HMGA2: variants seen among roughly 807,000 people sequenced by gnomAD.
HMGA2 encodes high mobility group protein HMGI-C.
A neutral mutation model predicts 19.1 loss-of-function variants in HMGA2; 8 were observed. The ratio of observed to expected loss-of-function variants is 0.42; its 90% confidence interval spans 0.25 to 0.76. The LOEUF (loss-of-function observed/expected upper bound fraction) is 0.76. HMGA2 is among the 30% of genes least tolerant of loss of function. The pLI is 0.28. For synonymous variants in HMGA2, 60 were observed against 48.8 expected, an observed-to-expected ratio of 1.23 and a Z score of -0.96; for missense variants, 109 against 136.3, an observed-to-expected ratio of 0.80 and a Z score of 1.00.
intron 1 of HMGA2, among the ~76,000 whole-genome samples, 155 bp from the exon 2 acceptor site, chr12:65,827,846 T>C (rs1006592911): frequency 1.3e-5 from 2 of 152,226 alleles, no homozygotes; most frequent in African/African-American, 4.8e-5. Flanking sequence ...CCCCTTTCTG[T>C]AAACTCTGTA....
intron 3 of HMGA2, among the ~76,000 whole-genome samples, chr12:65,902,169 T>A (rs1366153240): frequency 6.6e-6 from 1 of 152,146 alleles, no homozygotes; most frequent in African/African-American, 2.4e-5. Context: ...TTTAAGAGTT[T>A]TTTTTTTCTT....
intron 1 of HMGA2, chr12:65,826,922 G>C (rs1021078312): frequency 6.6e-6 from 1 of 152,214 alleles, no homozygotes; most frequent in African/African-American, 2.4e-5. Context: ...ACTGGTGCTA[G>C]TGGTCCCACA....
chr12:65,845,209 A>C (rs1345075120), intron 3 of HMGA2, among the ~76,000 whole-genome samples: 1 of 151,984 alleles, frequency 6.6e-6, no homozygotes, highest in African/African-American at 2.4e-5. Flanking sequence ...CCAGGAGAAC[A>C]TTTTTGTTGT....
chr12:65,946,964 A>G (rs574261604), intron 3 of HMGA2, among the ~76,000 whole-genome samples: 2 of 152,260 alleles, frequency 1.3e-5, no homozygotes, highest in East Asian at 3.9e-4. Context: ...TAACAATGAT[A>G]TTTATTTGCT....
rs1182196238 is a variant in HMGA2 at position 65,965,812 on chromosome 12, A to G, written c.*2520A>G. On this transcript the variant is annotated 3_prime_UTR_variant, in exon 5 of 5. Transcript: ENST00000403681. ...GTATGTTGTACAATCAAAACACACT[A>G]CTACCTCTTAAGTCCCAGTATACCT... 4.6e-6 allele frequency: 1 copy of G among 216,426 alleles called. No individual in the cohort carries two copies. Among genetic ancestry groups the G allele is most frequent in the Non-Finnish European group, 9.3e-6 (1 of 107,290 alleles). 13.4% of individuals were successfully genotyped at this position (216,426 alleles called of 1,614,324 possible).
intron 3 of HMGA2, among the ~76,000 whole-genome samples, chr12:65,862,085 T>C (rs1036313158): frequency 1.3e-5 from 2 of 152,106 alleles, no homozygotes; most frequent in African/African-American, 2.4e-5. Flanking sequence ...CCTCAGGTGA[T>C]CCACCCGCCT....
chr12:65,950,896 T>C (rs544012073), intron 3 of HMGA2, among the ~76,000 whole-genome samples: 1 of 152,318 alleles, frequency 6.6e-6, no homozygotes, highest in Non-Finnish European at 1.5e-5. Context: ...ATAACCTATG[T>C]TGTATTTCCT....
intron 3 of HMGA2, among the ~76,000 whole-genome samples, chr12:65,884,974 CTATTT>C (rs1399137097): frequency 6.6e-6 from 1 of 152,114 alleles, no homozygotes; most frequent in Non-Finnish European, 1.5e-5. Flanking sequence ...CCAATTGATT[CTATTT>C]TAATTGATAT....
At chr12:65,861,281 G>A (rs530892697) in intron 3 of HMGA2, among the ~76,000 whole-genome samples, 12 of 152,190 alleles carry the variant, frequency 7.9e-5, no homozygotes, top group South Asian at 6.2e-4. Flanking sequence ...CAGGAGAATC[G>A]CTTGAACCTG....
chr12:65,849,752 T>TTTTTTTTTG lies in HMGA2; in HGVS notation c.249+11184_249+11192dup, dbSNP rs1871379742. ...AGGCTCTGTATTTTTTTTTTTTTTT[T>TTTTTTTTTG]TTTTTTTTGAGGCTGGAGTGCAATG... On this transcript the variant is annotated intron_variant, in intron 3 of 4. Coordinates refer to ENST00000403681, the MANE Select transcript of HMGA2 (RefSeq NM_003483.6). Among the ~76,000 whole-genome samples the TTTTTTTTTG allele has an allele frequency of 1.4e-5, 2 of 146,476 alleles. 1 individual carries two copies. The highest frequency in any genetic ancestry group is 3.9e-4 in the East Asian group (2 of 5,102).
In HMGA2 at chr12:65,838,998, C is replaced by CTTTTTTTTTTTTTTTTTTTTTTTTTTT; in HGVS notation, c.249+441_249+442insTTTTTTTTTTTTTTTTTTTTTTTTTTT. On this transcript the variant is annotated intron_variant, in intron 3 of 4. Coordinates refer to ENST00000403681, the MANE Select transcript of HMGA2 (RefSeq NM_003483.6). ...TTTCTTTTTCTTTCTTTTTCTTTTT[C>CTTTTTTTTTTTTTTTTTTTTTTTTTTT]TTTTTTTTTTTTGGTTTTCTCCATG... is the stretch of plus-strand genomic sequence containing the variant. 1.1e-3 allele frequency among the ~76,000 whole-genome samples: 122 copies of CTTTTTTTTTTTTTTTTTTTTTTTTTTT among 107,064 alleles called. 6 individuals are homozygous for CTTTTTTTTTTTTTTTTTTTTTTTTTTT. Among genetic ancestry groups the CTTTTTTTTTTTTTTTTTTTTTTTTTTT allele is most frequent in the South Asian group, 2.5e-3 (7 of 2,776 alleles). 70.2% of individuals were successfully genotyped at this position (107,064 alleles called of 152,430 possible).
intron 3 of HMGA2, among the ~76,000 whole-genome samples, chr12:65,884,132 C>A (rs555853973): frequency 6.6e-6 from 1 of 152,188 alleles, no homozygotes; most frequent in African/African-American, 2.4e-5. Flanking sequence ...TCCCAAAGTG[C>A]TGGGATTACA....
intron 3 of HMGA2, among the ~76,000 whole-genome samples, chr12:65,902,232 A>T (rs181055542): frequency 3.3e-4 from 50 of 152,214 alleles, no homozygotes; most frequent in African/African-American, 1.2e-3. Context: ...AACTGACGTG[A>T]ATTTGTGAAG....
intron 3 of HMGA2, among the ~76,000 whole-genome samples, chr12:65,949,521 T>C (rs920243112): frequency 1.3e-5 from 2 of 152,042 alleles, no homozygotes; most frequent in Non-Finnish European, 2.9e-5. Context: ...GATAGAATAA[T>C]ACATGCCTAT....
Position 65,965,605 on chromosome 12 carries a change from C to A in HMGA2, c.*2313C>A, listed in dbSNP as rs1456286170. Reference sequence around the variant, plus strand: ...AATTAAAACTCAACATTACTGTTAACTGTGCGTTAAATAAGCAAATAAACA... The same window carrying A: ...AATTAAAACTCAACATTACTGTTAAATGTGCGTTAAATAAGCAAATAAACA... On this transcript the variant is annotated 3_prime_UTR_variant, in exon 5 of 5. Transcript: ENST00000403681. The A allele has an allele frequency of 4.6e-6, 1 of 216,436 alleles. No individual in the cohort carries two copies. Among genetic ancestry groups the A allele is most frequent in the East Asian group, 6.8e-5 (1 of 14,626 alleles). 13.4% of individuals were successfully genotyped at this position (216,436 alleles called of 1,614,324 possible).
chr12:65,866,304 AGAT>A (rs879865276), intron 3 of HMGA2, among the ~76,000 whole-genome samples: 1 of 152,210 alleles, frequency 6.6e-6, no homozygotes, highest in Non-Finnish European at 1.5e-5. Flanking sequence ...AAAAAAATAC[AGAT>A]GATGATTTCA....
chr12:65,860,536 T>G (rs1164108596), intron 3 of HMGA2, among the ~76,000 whole-genome samples: 1 of 152,240 alleles, frequency 6.6e-6, no homozygotes, highest in African/African-American at 2.4e-5. Flanking sequence ...TTACCAGTTT[T>G]GTAAACTCCT....
intron 3 of HMGA2, chr12:65,935,193 G>A (rs1875849866): frequency 6.6e-6 from 1 of 152,174 alleles, no homozygotes; most frequent in African/African-American, 2.4e-5. Flanking sequence ...TATTAGCTTT[G>A]TGTTCCATTT....
chr12:65,863,575 G>GA (rs34269345), intron 3 of HMGA2, among the ~76,000 whole-genome samples: 8 of 151,590 alleles, frequency 5.3e-5, no homozygotes, highest in East Asian at 1.9e-4. Context: ...AGATTTCAAA[G>GA]AAAAAAAAAT....
Sources: gnomAD v4.1 joint callset for allele counts (sites outside exome capture counted in the v4.1 genomes callset) on GRCh38, gnomAD v4.1.1 for gene constraint, MANE v1.5 for transcripts, NCBI Gene and HGNC (gene_info 2026-07-23, HGNC 2026-07-21) for gene names.